CELF4: variants seen among roughly 807,000 people sequenced by gnomAD.
The protein encoded by CELF4 is CUG-BP- and ETR-3-like factor 4.
CELF4 carries 18 observed loss-of-function variants against 59.9 expected under a neutral mutation model. The ratio of observed to expected loss-of-function variants is 0.30; its 90% CI spans 0.21 to 0.45. CELF4 has a LOEUF of 0.45. Ranked by LOEUF, CELF4 falls within the 20% of genes least tolerant of loss-of-function variation. The pLI, the probability that CELF4 is intolerant of heterozygous loss-of-function variation, is 1.00. For synonymous variants in CELF4, 261 were observed against 267.1 expected (o/e 0.98, Z 0.22); for missense variants, 456 against 689.0 (o/e 0.66, Z 3.79).
chr18:37,480,496 CT>C lies in CELF4; in HGVS notation c.369+5028del, dbSNP rs371389354. Among the ~76,000 whole-genome samples, 309 of 152,330 alleles carry C rather than the reference CT, an allele frequency of 2.0e-3. 2 individuals carry two copies. The highest frequency in any genetic ancestry group is 7.0e-3 in the African/African-American group (293 of 41,576). Reference sequence around the variant, plus strand: ...ATCATATCACTGTCTCTGGGGACCCCTGTCTTGTCATCATTTGCCCTTTATA... The same window carrying C: ...ATCATATCACTGTCTCTGGGGACCCCGTCTTGTCATCATTTGCCCTTTATA... On this transcript the variant is annotated intron_variant, in intron 2 of 12. Transcript: ENST00000420428.
chr18:37,464,627 G>C lies in CELF4; in HGVS notation c.369+20898C>G, dbSNP rs73947239. 7.1e-3 allele frequency among the ~76,000 whole-genome samples: 1,081 copies of C among 152,274 alleles called. 13 individuals are homozygous for C. The highest frequency in any genetic ancestry group is 0.025 in the African/African-American group (1,032 of 41,548). On this transcript the variant is annotated intron_variant, in intron 2 of 12. Coordinates refer to ENST00000420428, the MANE Select transcript of CELF4 (RefSeq NM_020180.4). ...GTGTGGAGGTGTGTTTCTCAGACAG[G>C]CTGGCTGAGAATCACAGCCTTTGAA... is the stretch of plus-strand genomic sequence containing the variant.
In CELF4 at chr18:37,422,642, G is replaced by A. The variant is rs375477376; in HGVS notation, c.369+62883C>T. On this transcript the variant is annotated intron_variant, in intron 2 of 12. Coordinates refer to ENST00000420428, the MANE Select transcript of CELF4 (RefSeq NM_020180.4). ...CGAGAAAGAGCAGGCCAGAGTGTGC[G>A]CACATGTGTGCATGCATGCATGTGC... Among the ~76,000 whole-genome samples, 97 of 152,246 alleles carry A rather than the reference G, an allele frequency of 6.4e-4. 1 individual carries two copies. Among genetic ancestry groups the A allele is most frequent in the African/African-American group, 2.3e-3 (94 of 41,554 alleles).
chr18:37,563,018 T>C (rs542874978), intron 1 of CELF4, among the ~76,000 whole-genome samples: 58 of 152,038 alleles, frequency 3.8e-4, no homozygotes, highest in African/African-American at 1.3e-3. Context: ...AAATGAAGTT[T>C]TGTTTGTCCT....
At chr18:37,545,323 C>T (rs2099980697) in intron 1 of CELF4, among the ~76,000 whole-genome samples, 1 of 152,218 alleles carries the variant, frequency 6.6e-6, no homozygotes, top group South Asian at 2.1e-4. Context: ...ACTGGCCTTC[C>T]TCCTGCTGCC....
intron 2 of CELF4, among the ~76,000 whole-genome samples, chr18:37,476,408 A>G (rs1253527102): frequency 6.6e-6 from 1 of 152,212 alleles, no homozygotes; most frequent in Non-Finnish European, 1.5e-5. Context: ...TCATGGGAAC[A>G]TACCACAAAT....
intron 1 of CELF4, among the ~76,000 whole-genome samples, chr18:37,504,544 T>C (rs2099935507): frequency 6.6e-6 from 1 of 151,986 alleles, no homozygotes; most frequent in African/African-American, 2.4e-5. Context: ...TCTTAGCTGC[T>C]TTCCTCGTCT....
At chr18:37,485,469 C>G (rs1283031221) in intron 2 of CELF4, 56 bp downstream of exon 2, 2 of 1,147,426 alleles carry the variant, frequency 1.7e-6, no homozygotes, top group South Asian at 3.6e-5. Flanking sequence ...CCCGGCCTCC[C>G]GAAGTCGCCC....
intron 2 of CELF4, among the ~76,000 whole-genome samples, chr18:37,456,048 G>A (rs1374108514): frequency 6.6e-6 from 1 of 152,164 alleles, no homozygotes; most frequent in Non-Finnish European, 1.5e-5. Context: ...TCCTCCTGAG[G>A]CCTCTGGAGT....
At chr18:37,557,666 G>A (rs1291896277) in intron 1 of CELF4, among the ~76,000 whole-genome samples, 1 of 152,208 alleles carries the variant, frequency 6.6e-6, no homozygotes, top group Non-Finnish European at 1.5e-5. Flanking sequence ...GTTGTCCAGA[G>A]CCGGCCTTCG....
chr18:37,311,411 G>A (rs1016103769), intron 3 of CELF4, among the ~76,000 whole-genome samples: 2 of 152,186 alleles, frequency 1.3e-5, no homozygotes, highest in Non-Finnish European at 2.9e-5. Context: ...GTCCAGTTGT[G>A]TAAATAGAAG....
At chr18:37,534,866 G>T (rs1277873755) in intron 1 of CELF4, among the ~76,000 whole-genome samples, 1 of 152,170 alleles carries the variant, frequency 6.6e-6, no homozygotes, top group Non-Finnish European at 1.5e-5. Flanking sequence ...ACAGAGCCGG[G>T]TGTTTACAGA....
chr18:37,299,386 C>G (rs766502961), intron 3 of CELF4, among the ~76,000 whole-genome samples: 6 of 152,188 alleles, frequency 3.9e-5, no homozygotes, highest in Middle Eastern at 3.2e-3. Flanking sequence ...TGGCCAGGGC[C>G]CAGTCACCTC....
In CELF4 at chr18:37,254,145, G is replaced by A. The variant is rs1027826525; in HGVS notation, c.1334-207C>T. On this transcript the variant is annotated intron_variant, in intron 11 of 12. Coordinates refer to ENST00000420428, the MANE Select transcript of CELF4 (RefSeq NM_020180.4). This position sits in a 1 kb window ranked among gnomAD's most constrained non-coding sequence, Gnocchi z 5.1. The stretch of plus-strand genomic sequence containing the variant: ...CGGGGGCAGGCGCTGGCGGGGACCC[G>A]GCTCGCTGACCTGCGCCTAGTCTCT... 6.7e-6 allele frequency among the ~76,000 whole-genome samples: 1 copy of A among 150,264 alleles called. No homozygotes were observed. Among genetic ancestry groups the A allele is most frequent in the Non-Finnish European group, 1.5e-5 (1 of 67,378 alleles).
chr18:37,544,786 T>C (rs2099980237), intron 1 of CELF4, among the ~76,000 whole-genome samples: 1 of 151,922 alleles, frequency 6.6e-6, no homozygotes, highest in Non-Finnish European at 1.5e-5. Flanking sequence ...AGGCTGTCAT[T>C]CCCCCGAGGA....
chr18:37,321,201 T>G (rs1222139814), intron 3 of CELF4, among the ~76,000 whole-genome samples: 1 of 152,160 alleles, frequency 6.6e-6, no homozygotes, highest in Non-Finnish European at 1.5e-5. Flanking sequence ...CTCAAGGTGC[T>G]GCATTCCCTT....
chr18:37,560,176 C>G (rs955427584), intron 1 of CELF4, among the ~76,000 whole-genome samples: 1 of 152,174 alleles, frequency 6.6e-6, no homozygotes, highest in African/African-American at 2.4e-5. Flanking sequence ...TTGAATTGCA[C>G]TGAAATCTAG....
intron 2 of CELF4, among the ~76,000 whole-genome samples, chr18:37,323,752 C>A (rs756886820): frequency 9.9e-5 from 15 of 152,180 alleles, no homozygotes; most frequent in Non-Finnish European, 2.2e-4. Flanking sequence ...TACAGCTTTT[C>A]TGCTTATGTA....
rs895953363 is a variant in CELF4, at chr18:37,427,042, G to A, written c.369+58483C>T. ...TGCTGGCAGCAGCAGGGACACGGGG[G>A]GGGGGGAAGCTGGGCACCCTGGGTG... is the stretch of plus-strand genomic sequence containing the variant. On this transcript the variant is annotated intron_variant, in intron 2 of 12. Coordinates refer to ENST00000420428, the MANE Select transcript of CELF4 (RefSeq NM_020180.4). Among the ~76,000 whole-genome samples, 204 of 151,482 alleles carry A rather than the reference G, an allele frequency of 1.3e-3. No individual in the cohort carries two copies. The East Asian group carries it at 0.028, about 21-fold the overall frequency.
At chr18:37,320,120 A>G (rs2097047412) in intron 3 of CELF4, among the ~76,000 whole-genome samples, 1 of 151,940 alleles carries the variant, frequency 6.6e-6, no homozygotes, top group Non-Finnish European at 1.5e-5. Context: ...GGCAGATCAC[A>G]AGGTCCGGAG....
Sources: allele counts gnomAD v4.1 joint callset (sites outside exome capture counted in the v4.1 genomes callset), GRCh38; gene constraint gnomAD v4.1.1; non-coding constraint Gnocchi (gnomAD v3.1); transcripts MANE v1.5; gene names NCBI Gene and HGNC (gene_info 2026-07-23, HGNC 2026-07-21).